The following CFAP221 variants were observed in gnomAD, a reference collection of about 807,000 sequenced individuals.
CFAP221 encodes the protein cilia- and flagella-associated protein 221.
In CFAP221, 97 loss-of-function variants were observed where a neutral mutation model predicts 113.1. The observed-to-expected ratio is 0.86, with a 90% confidence interval of 0.73 to 1.02. CFAP221 has a LOEUF of 1.02. Among genes scored for constraint, CFAP221 ranks in the 50% least tolerant of loss-of-function variants. The pLI, the probability that CFAP221 is intolerant of heterozygous loss-of-function variation, is 0.00. For synonymous variants in CFAP221, 331 were observed against 354.4 expected (o/e 0.93, Z 0.74); for missense variants, 1,025 against 1,013.4 (o/e 1.01, Z -0.16).
intron 17 of CFAP221, 98 bp from the exon 18 acceptor site, chr2:119,630,472 T>C: frequency 1.1e-6 from 1 of 901,720 alleles, no homozygotes; most frequent in Non-Finnish European, 1.7e-6. Flanking sequence ...CTTGTCTTAC[T>C]TTTACCACCA....
At chr2:119,615,827 C>A in intron 14 of CFAP221, 118 bp downstream of exon 14, 1 of 720,680 alleles carries the variant, frequency 1.4e-6, no homozygotes, top group Non-Finnish European at 2.2e-6. Flanking sequence ...ATAAAATTCA[C>A]CCTTGTAAAA....
chr2:119,620,386 G>A (rs1033795979), intron 14 of CFAP221, among the ~76,000 whole-genome samples: 6 of 152,130 alleles, frequency 3.9e-5, no homozygotes, highest in Non-Finnish European at 5.9e-5. Flanking sequence ...GACCAACAGC[G>A]GACCTCTCTG....
At chr2:119,562,490 C>A (rs1681327124) in intron 6 of CFAP221, among the ~76,000 whole-genome samples, 1 of 152,124 alleles carries the variant, frequency 6.6e-6, no homozygotes, top group Non-Finnish European at 1.5e-5. Flanking sequence ...CCTCCAGTAG[C>A]TCCAGACATT....
intron 19 of CFAP221, among the ~76,000 whole-genome samples, chr2:119,637,492 AAGTT>A (rs1303124933): frequency 2.6e-5 from 4 of 152,190 alleles, no homozygotes. Flanking sequence ...TTGTTTTTAA[AAGTT>A]AGACAAACAA....
intron 6 of CFAP221, among the ~76,000 whole-genome samples, chr2:119,574,008 A>G (rs1303798718): frequency 6.6e-6 from 1 of 152,206 alleles, no homozygotes; most frequent in Non-Finnish European, 1.5e-5. Flanking sequence ...TCTTTTCAAA[A>G]TTTTCTCACA....
At chr2:119,643,907 C>A (rs1398504118) in intron 21 of CFAP221, among the ~76,000 whole-genome samples, 2 of 151,786 alleles carry the variant, frequency 1.3e-5, no homozygotes, top group African/African-American at 4.8e-5. Flanking sequence ...AATCCCAGCA[C>A]TTTGGGAGGC....
chr2:119,612,786 A>T (rs1455348575), intron 13 of CFAP221, among the ~76,000 whole-genome samples: 2 of 152,210 alleles, frequency 1.3e-5, no homozygotes, highest in African/African-American at 4.8e-5. Context: ...TCCAAATCTC[A>T]TGTCCTCACA....
At chr2:119,565,852 T>G (rs1681585763) in intron 6 of CFAP221, among the ~76,000 whole-genome samples, 4 of 152,212 alleles carry the variant, frequency 2.6e-5, no homozygotes, top group Non-Finnish European at 1.5e-5. Flanking sequence ...GAACACGTTT[T>G]CAGCTAAAGT....
intron 12 of CFAP221, among the ~76,000 whole-genome samples, chr2:119,610,953 G>T (rs1021679458): frequency 6.6e-6 from 1 of 152,062 alleles, no homozygotes; most frequent in Non-Finnish European, 1.5e-5. Flanking sequence ...AGTCACTGTT[G>T]GCTCCTGGGA....
chr2:119,602,332 G>T (rs1252884191), intron 8 of CFAP221, among the ~76,000 whole-genome samples: 1 of 152,108 alleles, frequency 6.6e-6, no homozygotes, highest in South Asian at 2.1e-4. Flanking sequence ...CCGAGATCAC[G>T]CCACGGCACT....
Position 119,652,038 on chromosome 2 carries a change from A to G in CFAP221, c.2383A>G (p.Met795Val), listed in dbSNP as rs373528164. ...AGAAATGATCAAAGTGGAATTCCCT[A>G]TGTTGAACTACAAGGACATCAGGAA... ...TPEMIKVEFP[M>V]LNYKDIRKEK... Residue 795 changes from methionine (M) to valine (V), a missense_variant, in exon 23 of 24, where the codon ATG becomes GTG. Coordinates refer to ENST00000413369, the MANE Select transcript of CFAP221 (RefSeq NM_001271049.2). The G allele has an allele frequency of 8.2e-5, 133 of 1,613,240 alleles. No individual in the cohort carries two copies. The highest frequency in any genetic ancestry group is 6.6e-4 in the Middle Eastern group (4 of 6,056).
At position 119,656,096 on chromosome 2, in the gene CFAP221, G is replaced by A. The variant is rs374027120; in HGVS notation, c.2415-266G>A. On this transcript the variant is annotated intron_variant, in intron 23 of 23. Coordinates refer to ENST00000413369, the MANE Select transcript of CFAP221 (RefSeq NM_001271049.2). ...CTGGGAGATGGGAATTACACCATTC[G>A]CACATCAGGAAACAGGGGCTGTGGA... is the stretch of plus-strand genomic sequence containing the variant. 6.5e-5 allele frequency: 28 copies of A among 428,898 alleles called. No homozygotes were observed. In the Admixed American group the frequency reaches 7.5e-4, roughly 11 times the overall value. The allele number at this position is 428,898 out of a possible 1,614,324, so 26.6% of individuals were successfully genotyped here.
intron 15 of CFAP221, 111 bp from the exon 16 acceptor site, chr2:119,627,542 T>C (rs888017464): frequency 1.4e-5 from 9 of 622,056 alleles, no homozygotes; most frequent in South Asian, 6.8e-5. Context: ...TATATATATA[T>C]ATACACACCC....
chr2:119,641,923 C>T (rs1023233856), intron 21 of CFAP221, among the ~76,000 whole-genome samples: 3 of 152,092 alleles, frequency 2.0e-5, no homozygotes, highest in Non-Finnish European at 4.4e-5. Context: ...CCATGTCCAC[C>T]CGTTGTCAGC....
chr2:119,557,446 A>G (rs796778937), intron 3 of CFAP221: 3 of 152,360 alleles, frequency 2.0e-5, no homozygotes, highest in African/African-American at 7.2e-5. Context: ...TAAAGTGCAG[A>G]GCATGGGGGA....
At chr2:119,631,568 A>T (rs972860019) in intron 19 of CFAP221, among the ~76,000 whole-genome samples, 6 of 152,142 alleles carry the variant, frequency 3.9e-5, no homozygotes, top group Admixed American at 2.0e-4. Flanking sequence ...CCAGCTATTC[A>T]GGAGGCTGAG....
intron 6 of CFAP221, among the ~76,000 whole-genome samples, chr2:119,584,882 C>A (rs1683104531): frequency 6.6e-6 from 1 of 152,084 alleles, no homozygotes; most frequent in Non-Finnish European, 1.5e-5. Context: ...ATATTTTAGT[C>A]GTATCTAGTA....
intron 6 of CFAP221, 99 bp downstream of exon 6, chr2:119,562,213 C>A: frequency 1.4e-6 from 1 of 719,604 alleles, no homozygotes; most frequent in Non-Finnish European, 2.1e-6. Context: ...GGAAGTTCAT[C>A]CTTCCACCTG....
At chr2:119,631,235 A>T in intron 19 of CFAP221, 1 of 365,284 alleles carries the variant, frequency 2.7e-6, no homozygotes, top group Non-Finnish European at 4.0e-6. Flanking sequence ...AATCTGTGGG[A>T]AATTAACAGC....
Sources: gnomAD v4.1 joint callset for allele counts (sites outside exome capture counted in the v4.1 genomes callset) on GRCh38, gnomAD v4.1.1 for gene constraint, MANE v1.5 for transcripts, NCBI Gene and HGNC (gene_info 2026-07-23, HGNC 2026-07-21) for gene names.